ARID2: variants seen among roughly 807,000 people sequenced by gnomAD.
ARID2 encodes the protein AT-rich interactive domain-containing protein 2.
Under a neutral mutation model 184.6 loss-of-function variants are expected in ARID2, and 32 were observed. The ratio of observed to expected loss-of-function variants is 0.17; its 90% confidence interval spans 0.13 to 0.23. ARID2 has a LOEUF of 0.23. ARID2 is among the 10% of genes least tolerant of loss of function. ARID2 has a pLI of 1.00. For synonymous variants in ARID2, 836 were observed against 772.6 expected (o/e 1.08, Z -1.36); for missense variants, 1,696 against 2,197.6 (o/e 0.77, Z 4.56).
At chr12:45,796,077 C>T (rs546826367) in intron 3 of ARID2, among the ~76,000 whole-genome samples, 1 of 151,706 alleles carries the variant, frequency 6.6e-6, no homozygotes, top group Admixed American at 6.5e-5. Context: ...AAACCACTTT[C>T]TCTACCACTT....
intron 16 of ARID2, among the ~76,000 whole-genome samples, chr12:45,862,888 T>C (rs963467551): frequency 8.6e-6 from 1 of 116,956 alleles, no homozygotes; most frequent in African/African-American, 2.9e-5. Flanking sequence ...TCTTAGAGCA[T>C]GCCATTTTTT....
At chr12:45,758,410 T>C (rs946283964) in intron 3 of ARID2, among the ~76,000 whole-genome samples, 2 of 152,028 alleles carry the variant, frequency 1.3e-5, no homozygotes, top group African/African-American at 4.8e-5. Context: ...TTTAAGCTCA[T>C]CAGCGATTGT....
intron 3 of ARID2, among the ~76,000 whole-genome samples, chr12:45,790,035 A>G (rs188679045): frequency 6.6e-6 from 1 of 152,212 alleles, no homozygotes; most frequent in East Asian, 1.9e-4. Flanking sequence ...TGGAAATGAT[A>G]TAAACTTTTC....
At chr12:45,787,633 TGCC>T (rs1942220631) in intron 3 of ARID2, among the ~76,000 whole-genome samples, 1 of 152,182 alleles carries the variant, frequency 6.6e-6, no homozygotes, top group Non-Finnish European at 1.5e-5. Flanking sequence ...ACTGCTATAA[TGCC>T]TTTACTAATC....
chr12:45,788,260 A>G (rs779990798), intron 3 of ARID2, among the ~76,000 whole-genome samples: 6 of 152,166 alleles, frequency 3.9e-5, no homozygotes, highest in Non-Finnish European at 2.9e-5. Context: ...TATTACATGC[A>G]TAGCAACTTA....
At chr12:45,895,126 CTT>C (rs1413577177) in intron 20 of ARID2, among the ~76,000 whole-genome samples, 1 of 152,168 alleles carries the variant, frequency 6.6e-6, no homozygotes, top group African/African-American at 2.4e-5. Flanking sequence ...TGTCTTAAAA[CTT>C]TTAATCTCAT....
Position 45,729,822 on chromosome 12 carries a change from T to C in ARID2, c.-15T>C. 2 of 1,600,830 alleles carry C rather than the reference T, an allele frequency of 1.2e-6. No individual in the cohort carries two copies. Among genetic ancestry groups the C allele is most frequent in the Non-Finnish European group, 1.7e-6 (2 of 1,174,124 alleles). On this transcript the variant is annotated 5_prime_UTR_variant, in exon 1 of 21. Coordinates refer to ENST00000334344, the MANE Select transcript of ARID2 (RefSeq NM_152641.4). The stretch of plus-strand genomic sequence containing the variant: ...CACCGATCTGGGTTTTTTAAAAACC[T>C]CCTTTGAAAAAATAATGGCAAACTC...
chr12:45,813,222 G>A (rs1216507340), intron 4 of ARID2, among the ~76,000 whole-genome samples: 1 of 152,054 alleles, frequency 6.6e-6, no homozygotes, highest in East Asian at 1.9e-4. Context: ...AAGAAACTGG[G>A]AACTGATGGG....
rs1180554392 is a variant in ARID2, at chr12:45,772,237, A to G, written c.285-39181A>G. ...CACACAGAACAAAAAGTAGATTAGC[A>G]GGTCAAAATCTAGTTATATCAATAA... On this transcript the variant is annotated intron_variant, in intron 3 of 20. Transcript: ENST00000334344. Among the ~76,000 whole-genome samples the G allele has an allele frequency of 2.6e-5, 4 of 152,244 alleles. No individual in the cohort carries two copies. In the East Asian group the frequency reaches 7.7e-4, roughly 29 times the overall value.
At chr12:45,887,609 T>G in intron 16 of ARID2, among the ~76,000 whole-genome samples, 1 of 151,360 alleles carries the variant, frequency 6.6e-6, no homozygotes, top group East Asian at 1.9e-4. Context: ...GTGTGAGGAG[T>G]GGAATTTACT....
At chr12:45,845,849 G>A (rs929879931) in intron 11 of ARID2, 8 of 152,060 alleles carry the variant, frequency 5.3e-5, no homozygotes, top group East Asian at 1.9e-4. Flanking sequence ...CTACATTGCC[G>A]TGTCACATAG....
rs762141507 is a variant in ARID2 at position 45,817,661 on chromosome 12, C to G, written c.419-9C>G. 1 of 1,584,224 alleles carries G rather than the reference C, an allele frequency of 6.3e-7. No individual in the cohort carries two copies. Among genetic ancestry groups the G allele is most frequent in the Non-Finnish European group, 8.5e-7 (1 of 1,169,676 alleles). ...TTGATATACTTAAGGTATTTTTTTT[C>G]TTTGTTAGATTATCTGCGTCAAAGT... On this transcript the variant is annotated splice_polypyrimidine_tract_variant and intron_variant, in intron 4 of 20. Transcript: ENST00000334344.
intron 18 of ARID2, 95 bp from the exon 19 acceptor site, chr12:45,893,325 A>T (rs2136461760): frequency 7.2e-7 from 1 of 1,389,196 alleles, no homozygotes; most frequent in Non-Finnish European, 9.5e-7. Flanking sequence ...TTTTAAAATA[A>T]CCAGCTTAAA....
chr12:45,863,703 C>G (rs10161510), intron 16 of ARID2, among the ~76,000 whole-genome samples: 5 of 151,958 alleles, frequency 3.3e-5, no homozygotes, highest in African/African-American at 1.2e-4. Flanking sequence ...GTTGAAATAG[C>G]TATGTGCTCT....
chr12:45,891,273 C>G (rs891977291), intron 16 of ARID2, among the ~76,000 whole-genome samples: 1 of 152,108 alleles, frequency 6.6e-6, no homozygotes, highest in Non-Finnish European at 1.5e-5. Flanking sequence ...TCTCATTTCC[C>G]TACTGTCTAA....
intron 3 of ARID2, among the ~76,000 whole-genome samples, chr12:45,804,201 T>C (rs1419425985): frequency 6.6e-6 from 1 of 152,174 alleles, no homozygotes; most frequent in Non-Finnish European, 1.5e-5. Context: ...TTCTCTGAAT[T>C]GCACAACAAA....
intron 3 of ARID2, among the ~76,000 whole-genome samples, chr12:45,772,915 T>G: frequency 6.6e-6 from 1 of 152,134 alleles, no homozygotes; most frequent in South Asian, 2.1e-4. Flanking sequence ...AAACAGACAC[T>G]ATCCAAGAGT....
At chr12:45,814,150 G>A (rs1942762747) in intron 4 of ARID2, among the ~76,000 whole-genome samples, 1 of 152,096 alleles carries the variant, frequency 6.6e-6, no homozygotes. Flanking sequence ...TTTTCTTTAA[G>A]CATTGCATAT....
intron 3 of ARID2, among the ~76,000 whole-genome samples, chr12:45,797,792 G>T (rs1942417482): frequency 6.6e-6 from 1 of 151,476 alleles, no homozygotes; most frequent in Non-Finnish European, 1.5e-5. Flanking sequence ...CTTTCTTCAC[G>T]TGTATATGAA....
Sources: gnomAD v4.1 joint callset for allele counts (sites outside exome capture counted in the v4.1 genomes callset) on GRCh38, gnomAD v4.1.1 for gene constraint, MANE v1.5 for transcripts, NCBI Gene and HGNC (gene_info 2026-07-23, HGNC 2026-07-21) for gene names.